Variants in PYGL observed in about 807,000 individuals in gnomAD.
PYGL encodes glycogen phosphorylase, liver form.
PYGL carries 90 observed loss-of-function variants against 100.1 expected under a neutral mutation model. That is an observed-to-expected ratio of 0.90 (90% CI 0.76 to 1.07). The LOEUF (loss-of-function observed/expected upper bound fraction) is 1.07. Ranked by LOEUF, PYGL falls within the 50% of genes least tolerant of loss-of-function variation. The pLI is 0.00. For synonymous variants in PYGL, 373 were observed against 393.0 expected, an observed-to-expected ratio of 0.95 and a Z score of 0.60; for missense variants, 1,016 against 1,057.6, an observed-to-expected ratio of 0.96 and a Z score of 0.55.
At chr14:50,926,225 C>G (rs1566508553) in intron 4 of PYGL, among the ~76,000 whole-genome samples, 1 of 151,942 alleles carries the variant, frequency 6.6e-6, no homozygotes, top group African/African-American at 2.4e-5. Context: ...GTGGTGTGCA[C>G]CTGTAGTCCC....
At chr14:50,914,127 T>C (rs1027900523) in intron 12 of PYGL, among the ~76,000 whole-genome samples, 2 of 152,202 alleles carry the variant, frequency 1.3e-5, no homozygotes, top group African/African-American at 4.8e-5. Flanking sequence ...CCATCTTCTA[T>C]GTGAGTGTCC....
chr14:50,917,040 A>T lies in PYGL; in HGVS notation c.921T>A (p.Asp307Glu). Residue 307 changes from aspartate (D) to glutamate (E), a missense_variant, in exon 8 of 20, where the codon GAT becomes GAA. By Grantham distance (45) the Asp-to-Glu change is conservative. Coordinates refer to ENST00000216392, the MANE Select transcript of PYGL (RefSeq NM_002863.5). ...TGGAGGCTTTGAAACGGCGGATGATATCTTGCAAGGTTGCAGCCACCACAA... is the reference window on the plus strand; with the variant it reads ...TGGAGGCTTTGAAACGGCGGATGATTTCTTGCAAGGTTGCAGCCACCACAA... ...EYFVVAATLQDIIRRFKASKF... is the reference protein window; with the variant it reads ...EYFVVAATLQEIIRRFKASKF... 1 of 1,613,938 alleles carries T rather than the reference A, an allele frequency of 6.2e-7. No individual in the cohort carries two copies. Among genetic ancestry groups the T allele is most frequent in the South Asian group, 1.1e-5 (1 of 91,082 alleles).
intron 4 of PYGL, among the ~76,000 whole-genome samples, chr14:50,929,836 A>G (rs542107613): frequency 2.0e-5 from 3 of 152,370 alleles, no homozygotes; most frequent in South Asian, 2.1e-4. Flanking sequence ...TTTAATGATT[A>G]CAAAATACAC....
intron 7 of PYGL, among the ~76,000 whole-genome samples, chr14:50,918,419 G>A (rs1200538126): frequency 1.3e-5 from 2 of 152,200 alleles, no homozygotes; most frequent in Non-Finnish European, 2.9e-5. Context: ...CAATTACAAA[G>A]ATGTGGAATC....
Position 50,935,962 on chromosome 14 carries a change from C to T in PYGL, c.346-777G>A, listed in dbSNP as rs187436601. On this transcript the variant is annotated intron_variant, in intron 2 of 19. Transcript: ENST00000216392. ...CAAATAGCATCTGTGAACTTGGGCACGGATGGGACTGATTGCCAGCTAGCT... is the reference window on the plus strand; with the variant it reads ...CAAATAGCATCTGTGAACTTGGGCATGGATGGGACTGATTGCCAGCTAGCT... 2.1e-3 allele frequency among the ~76,000 whole-genome samples: 322 copies of T among 152,308 alleles called. 3 individuals are homozygous for T. The highest frequency in any genetic ancestry group is 3.4e-3 in the Middle Eastern group (1 of 294).
chr14:50,924,214 C>T, intron 4 of PYGL, 114 bp from the exon 5 acceptor site: 1 of 1,275,538 alleles, frequency 7.8e-7, no homozygotes, highest in Non-Finnish European at 1.1e-6. Context: ...CTTATGAATA[C>T]TGAGTACTGT....
In PYGL at chr14:50,909,934, C is replaced by T. The variant is rs1194744206; in HGVS notation, c.2138G>A (p.Gly713Asp). ...AGCAGCCACATCATCTATCCTCATG[C>T]CAAAGATGAACAGGTTCTCTTCCCC... ...EAGEENLFIF[G>D]MRIDDVAALD... The change falls in exon 17 of 20, where the codon GGC (glycine) becomes GAC (aspartate). Residue 713 changes from glycine to aspartate, a missense_variant. Physicochemically the swap from Gly to Asp is moderately conservative, Grantham distance 94. Coordinates refer to ENST00000216392, the MANE Select transcript of PYGL (RefSeq NM_002863.5). 1 of 1,614,168 alleles carries T rather than the reference C, an allele frequency of 6.2e-7. No individual in the cohort carries two copies.
At chr14:50,917,348 A>C (rs1272294166) in intron 7 of PYGL, among the ~76,000 whole-genome samples, 2 of 152,230 alleles carry the variant, frequency 1.3e-5, no homozygotes, top group Non-Finnish European at 2.9e-5. Flanking sequence ...GACAATAGCA[A>C]CAACCTTTTA....
In PYGL at chr14:50,912,240, A is replaced by T; in HGVS notation, c.1684T>A (p.Ser562Thr). 2 of 1,614,054 alleles carry T rather than the reference A, an allele frequency of 1.2e-6. No individual in the cohort carries two copies. The highest frequency in any genetic ancestry group is 4.5e-5 in the East Asian group (2 of 44,882). ...CTCTTCACCTGGACATCAAACATGG[A>T]GGATGGGTTGATCTTCACTTTGTAC... ...TEYKVKINPS[S>T]MFDVQVKRIH... The change falls in exon 14 of 20, where the codon TCC (serine) becomes ACC (threonine). Residue 562 changes from serine to threonine, a missense_variant. Transcript: ENST00000216392.
At chr14:50,929,745 A>C (rs2050586864) in intron 4 of PYGL, among the ~76,000 whole-genome samples, 1 of 152,236 alleles carries the variant, frequency 6.6e-6, no homozygotes, top group Non-Finnish European at 1.5e-5. Context: ...TGTCCTGGAC[A>C]TGCCTGCTAA....
rs2050453153 is a variant in PYGL at position 50,916,656 on chromosome 14, G to A, written c.1078C>T (p.Leu360=). The change falls in exon 9 of 20, where the codon CTG becomes TTG. Residue 360 remains leucine (L), a synonymous_variant. Transcript: ENST00000216392. ...LMRIFVDIEK[L]PWSKAWELTQ... ...ACTATCCAGACCTTGGACCAGGGCA[G>A]TTTTTCAATATCCACAAAAATCCTC... 6.2e-7 allele frequency: 1 copy of A among 1,613,550 alleles called. No individual in the cohort carries two copies. Among genetic ancestry groups the A allele is most frequent in the Non-Finnish European group, 8.5e-7 (1 of 1,179,538 alleles).
rs750567664 is a variant in PYGL, at chr14:50,914,816, C to T, written c.1404-1G>A. ...TTCTAGCTCACTGAAGTCCTTGAATCTGGAGATGGAGGAGACACATCACTG... is the reference window on the plus strand; with the variant it reads ...TTCTAGCTCACTGAAGTCCTTGAATTTGGAGATGGAGGAGACACATCACTG... On this transcript the variant is annotated splice_acceptor_variant, in intron 11 of 19. Coordinates refer to ENST00000216392, the MANE Select transcript of PYGL (RefSeq NM_002863.5). LOFTEE classifies it high-confidence loss of function. 6.2e-7 allele frequency: 1 copy of T among 1,607,958 alleles called. No individual in the cohort carries two copies. Among genetic ancestry groups the T allele is most frequent in the Non-Finnish European group, 8.5e-7 (1 of 1,174,596 alleles).
At position 50,922,501 on chromosome 14, in the gene PYGL, G is replaced by A. The variant is rs554277360; in HGVS notation, c.661-1434C>T. Among the ~76,000 whole-genome samples, 9 of 152,144 alleles carry A rather than the reference G, an allele frequency of 5.9e-5. No individual in the cohort carries two copies. The South Asian group carries it at 1.9e-3, about 32-fold the overall frequency. ...CATTTGCAGGCTGGGATTGAGTCTC[G>A]GTTCAAACAAGAGTTGGACCCTTCT... On this transcript the variant is annotated intron_variant, in intron 5 of 19. Coordinates refer to ENST00000216392, the MANE Select transcript of PYGL (RefSeq NM_002863.5).
chr14:50,921,292 C>T (rs1039129184), intron 5 of PYGL: 4 of 560,094 alleles, frequency 7.1e-6, no homozygotes, highest in African/African-American at 5.7e-5. Flanking sequence ...ACCATCCACA[C>T]TGATGGTCCT....
chr14:50,914,736 G>C lies in PYGL; in HGVS notation c.1483C>G (p.Leu495Val). ...NGITPRRWLL[L>V]CNPGLAELIA... ...AGCTCTGCAAGTCCTGGGTTGCAGA[G>C]TAGGAGCCAGCGCCTTGGAGTGATC... Residue 495 changes from leucine to valine, a missense_variant, in exon 12 of 20, where the codon CTC becomes GTC. Transcript: ENST00000216392. 1 of 1,614,034 alleles carries C rather than the reference G, an allele frequency of 6.2e-7. No individual in the cohort carries two copies. Among genetic ancestry groups the C allele is most frequent in the Non-Finnish European group, 8.5e-7 (1 of 1,179,934 alleles).
chr14:50,934,866 T>C (rs1167588951), intron 3 of PYGL, among the ~76,000 whole-genome samples: 1 of 152,144 alleles, frequency 6.6e-6, no homozygotes, highest in Non-Finnish European at 1.5e-5. Context: ...CTTAAGTGCA[T>C]AGGAAGGATC....
intron 12 of PYGL, chr14:50,913,435 G>A (rs550656383): frequency 6.3e-6 from 1 of 157,952 alleles, no homozygotes; most frequent in East Asian, 1.8e-4. Flanking sequence ...ACAGTGGCAC[G>A]ATCTCGGCTC....
rs143571464 is a variant in PYGL, at chr14:50,915,336, A to G, written c.1403T>C (p.Val468Ala). Residue 468 changes from valine to alanine, a missense_variant and splice_region_variant, in exon 11 of 20, where the codon GTA (valine) becomes GCA (alanine). Physicochemically the swap from Val to Ala is moderately conservative, Grantham distance 64. Transcript: ENST00000216392. ...KIHSDIVKTK[V>A]FKDFSELEPD... is the part of the protein sequence containing the mutation. ...CACTGCCAGAGTAATGGAGGCTCAC[A>G]CTTTAGTCTTCACGATGTCTGAGTG... 1 of 1,614,088 alleles carries G rather than the reference A, an allele frequency of 6.2e-7. No individual in the cohort carries two copies. Among genetic ancestry groups the G allele is most frequent in the Admixed American group, 1.7e-5 (1 of 60,016 alleles).
intron 1 of PYGL, among the ~76,000 whole-genome samples, chr14:50,938,456 C>T (rs2050675315): frequency 6.6e-6 from 1 of 152,204 alleles, no homozygotes; most frequent in Admixed American, 6.5e-5. Context: ...AGGTGATCCG[C>T]CCACCTCGGC....
Sources: gnomAD v4.1 joint callset for allele counts (sites outside exome capture counted in the v4.1 genomes callset) on GRCh38, gnomAD v4.1.1 for gene constraint, MANE v1.5 for transcripts, NCBI Gene and HGNC (gene_info 2026-07-23, HGNC 2026-07-21) for gene names.